The following ADAMTS10 variants were observed in gnomAD, a reference collection of about 807,000 sequenced individuals.
The protein encoded by ADAMTS10 is A disintegrin and metalloproteinase with thrombospondin motifs 10.
In ADAMTS10, 48 loss-of-function variants were observed where a neutral mutation model predicts 135.9. That is an observed-to-expected ratio of 0.35 (90% CI 0.28 to 0.45). ADAMTS10 has a LOEUF of 0.45. ADAMTS10 is among the 20% of genes least tolerant of loss of function. ADAMTS10 has a pLI of 1.00. For synonymous variants in ADAMTS10, 621 were observed against 647.5 expected (o/e 0.96, Z 0.62); for missense variants, 1,131 against 1,565.2 (o/e 0.72, Z 4.68).
intron 12 of ADAMTS10, among the ~76,000 whole-genome samples, chr19:8,593,889 AT>A (rs1555739688): frequency 6.6e-6 from 1 of 152,200 alleles, no homozygotes; most frequent in East Asian, 1.9e-4. Context: ...GTGGGACTGG[AT>A]CGATCAATGG....
chr19:8,589,271 C>A lies in ADAMTS10; in HGVS notation c.2129G>T (p.Gly710Val). The change falls in exon 18 of 26, where the codon GGC becomes GTC. Residue 710 changes from glycine to valine, a missense_variant. Physicochemically the swap from Gly to Val is moderately radical, Grantham distance 109 (BLOSUM62 -3). Transcript: ENST00000597188. ...CCCAGGTGAGGCTGGGCTGAAGACGCCCTCGATGGTCTCGCAGGCACTGCC... is the reference window on the plus strand; with the variant it reads ...CCCAGGTGAGGCTGGGCTGAAGACGACCTCGATGGTCTCGCAGGCACTGCC... The part of the protein sequence containing the change: ...GDGSACETIE[G>V]VFSPASPGAG... 1 of 1,612,568 alleles carries A rather than the reference C, an allele frequency of 6.2e-7. No homozygotes were observed. Among genetic ancestry groups the A allele is most frequent in the Non-Finnish European group, 8.5e-7 (1 of 1,179,948 alleles).
rs1487301523 is a variant in ADAMTS10, at chr19:8,596,484, A to G, written c.1084+58T>C. The G allele has an allele frequency of 1.2e-6, 2 of 1,612,612 alleles. No individual in the cohort carries two copies. Among genetic ancestry groups the G allele is most frequent in the Non-Finnish European group, 1.7e-6 (2 of 1,178,908 alleles). On this transcript the variant is annotated intron_variant, in intron 9 of 25. Coordinates refer to ENST00000597188, the MANE Select transcript of ADAMTS10 (RefSeq NM_030957.4). The surrounding 1 kb of genome is among the most constrained non-coding windows in gnomAD (Gnocchi z 7.2). Reference sequence around the variant, plus strand: ...TGCTGGCTGGCCCCATCCACCTGCCAGGTCTCACCCCAGCCCACTGCCTTC... The same window carrying G: ...TGCTGGCTGGCCCCATCCACCTGCCGGGTCTCACCCCAGCCCACTGCCTTC...
rs1293897035 is a variant in ADAMTS10, at chr19:8,580,821, C to A, written c.*72G>T. On this transcript the variant is annotated 3_prime_UTR_variant, in exon 26 of 26. Transcript: ENST00000597188. ...TCCCAGTTCCCGCCCCCCCGGGGCC[C>A]CCTCTGGCCGGCCCGCTGCAGGGCT... 10 of 1,299,914 alleles carry A rather than the reference C, an allele frequency of 7.7e-6. No homozygotes were observed. Among genetic ancestry groups the A allele is most frequent in the Non-Finnish European group, 6.4e-6 (6 of 931,364 alleles). The allele number at this position is 1,299,914 out of a possible 1,614,324, so 80.5% of individuals were successfully genotyped here.
At chr19:8,600,844 G>T in intron 6 of ADAMTS10, 84 bp downstream of exon 6, 1 of 1,534,816 alleles carries the variant, frequency 6.5e-7, no homozygotes, top group East Asian at 2.2e-5. Context: ...GATTGGGGTG[G>T]GATGGTAGCC....
chr19:8,587,199 C>T, intron 18 of ADAMTS10, among the ~76,000 whole-genome samples: 1 of 151,502 alleles, frequency 6.6e-6, no homozygotes, highest in East Asian at 1.9e-4. Context: ...CTCTGTTGCC[C>T]AGGCTGGAGT....
In ADAMTS10 at chr19:8,605,039, A is replaced by G. The variant is rs890373875; in HGVS notation, c.408T>C (p.His136=). The G allele has an allele frequency of 5.0e-6, 8 of 1,609,686 alleles. No homozygotes were observed. In the African/African-American group the frequency reaches 5.3e-5, roughly 11 times the overall value. The change falls in exon 4 of 26, where the codon CAT becomes CAC. Residue 136 remains histidine, a synonymous_variant. Coordinates refer to ENST00000597188, the MANE Select transcript of ADAMTS10 (RefSeq NM_030957.4). This position sits in a 1 kb window ranked among gnomAD's most constrained non-coding sequence, Gnocchi z 7.7. The part of the protein sequence containing the change: ...GHLQGQASSS[H]VAISTCGGLH... Reference sequence around the variant, plus strand: ...GGCCTCCACAGGTGCTGATGGCCACATGGGAGCTGCTGGCCTGGCCCTGCA... The same window carrying G: ...GGCCTCCACAGGTGCTGATGGCCACGTGGGAGCTGCTGGCCTGGCCCTGCA...
At chr19:8,593,836 T>G (rs1568400105) in intron 12 of ADAMTS10, among the ~76,000 whole-genome samples, 2 of 152,150 alleles carry the variant, frequency 1.3e-5, no homozygotes, top group Non-Finnish European at 2.9e-5. Context: ...AATTATCAAG[T>G]GTAATCCCCG....
chr19:8,582,665 TG>T (rs1298232694), intron 25 of ADAMTS10: 2 of 112,956 alleles, frequency 1.8e-5, no homozygotes, highest in African/African-American at 7.8e-5. Flanking sequence ...AAGCTACAGA[TG>T]GATTTTTTTT....
At chr19:8,589,709 G>A in intron 16 of ADAMTS10, 124 bp from the exon 17 acceptor site, 1 of 1,506,112 alleles carries the variant, frequency 6.6e-7, no homozygotes, top group Non-Finnish European at 9.0e-7. Flanking sequence ...CTTGGGCAGA[G>A]GGAGTGGGGG....
At chr19:8,588,964 G>C (rs1022586635) in intron 18 of ADAMTS10, among the ~76,000 whole-genome samples, 1 of 151,972 alleles carries the variant, frequency 6.6e-6, no homozygotes, top group Non-Finnish European at 1.5e-5. Context: ...GCTAATTTTT[G>C]TATTTTTAGT....
Position 8,600,430 on chromosome 19 carries a change from ACCTT to A in ADAMTS10, c.810+494_810+497del, listed in dbSNP as rs554320542. On this transcript the variant is annotated intron_variant, in intron 6 of 25. Transcript: ENST00000597188. ...CCATATGCAACCAACCTACCTACCT[ACCTT>A]CCTTCCTTCCTTCCTCTCTCTTTCT... Among the ~76,000 whole-genome samples the A allele has an allele frequency of 5.5e-3, 806 of 145,574 alleles. 9 individuals are homozygous for A. The highest frequency in any genetic ancestry group is 0.019 in the African/African-American group (736 of 39,376).
rs1555736443 is a variant in ADAMTS10, at chr19:8,584,971, C to G, written c.3126G>C (p.Thr1042=). The change falls in exon 25 of 26, where the codon ACG becomes ACC. Residue 1042 remains threonine (T), a synonymous_variant. Transcript: ENST00000597188. ...SHTGQASHEC[T]EALRPPTTQQ... is the part of the protein sequence containing the mutation. ...GCGTGGTGGGCGGCCGCAGGGCCTC[C>G]GTGCACTCGTGCGACGCCTGGCCCG... 1.3e-6 allele frequency: 2 copies of G among 1,546,386 alleles called. No homozygotes were observed. Among genetic ancestry groups the G allele is most frequent in the African/African-American group, 2.7e-5 (2 of 73,088 alleles).
intron 12 of ADAMTS10, among the ~76,000 whole-genome samples, chr19:8,594,775 A>T (rs2042582885): frequency 6.6e-6 from 1 of 152,184 alleles, no homozygotes; most frequent in African/African-American, 2.4e-5. Flanking sequence ...TAAATGTCAG[A>T]CACCATGATC....
intron 6 of ADAMTS10, among the ~76,000 whole-genome samples, chr19:8,597,593 C>T (rs533678293): frequency 6.6e-6 from 1 of 151,998 alleles, no homozygotes; most frequent in Admixed American, 6.6e-5. Context: ...CATGCCCAGC[C>T]ATGTATCAGT....
chr19:8,580,812 C>G lies in ADAMTS10; in HGVS notation c.*81G>C, dbSNP rs886054709. ...ACCCTTCCCTCCCAGTTCCCGCCCC[C>G]CCGGGGCCCCCTCTGGCCGGCCCGC... is the stretch of plus-strand genomic sequence containing the variant. On this transcript the variant is annotated 3_prime_UTR_variant, in exon 26 of 26. Coordinates refer to ENST00000597188, the MANE Select transcript of ADAMTS10 (RefSeq NM_030957.4). The G allele has an allele frequency of 5.9e-5, 70 of 1,188,058 alleles. No homozygotes were observed. Among genetic ancestry groups the G allele is most frequent in the Non-Finnish European group, 7.9e-5 (66 of 832,794 alleles). The allele number at this position is 1,188,058 out of a possible 1,614,324, so 73.6% of individuals were successfully genotyped here. A position where few individuals can be genotyped will look rare whatever the true frequency, so the allele number is the denominator to read the frequency against.
At chr19:8,598,027 T>A (rs1942042701) in intron 6 of ADAMTS10, among the ~76,000 whole-genome samples, 1 of 152,062 alleles carries the variant, frequency 6.6e-6, no homozygotes, top group Admixed American at 6.6e-5. Context: ...TTGGCCAGGC[T>A]GGTCTTGAAC....
Position 8,605,629 on chromosome 19 carries a change from A to T in ADAMTS10, c.82T>A (p.Ser28Thr). 3 of 1,613,208 alleles carry T rather than the reference A, an allele frequency of 1.9e-6. No homozygotes were observed. The highest frequency in any genetic ancestry group is 2.5e-6 in the Non-Finnish European group (3 of 1,179,870). ...LMFEVTHAFR[S>T]QDEFLSSLES... ...ACCACCAGACTTCCCCTACCTTGAGACCGGAAGGCGTGCGTGACCTCGAAC... is the reference window on the plus strand; with the variant it reads ...ACCACCAGACTTCCCCTACCTTGAGTCCGGAAGGCGTGCGTGACCTCGAAC... Residue 28 changes from serine (S) to threonine (T), a missense_variant, in exon 3 of 26, where the codon TCT (serine) becomes ACT (threonine). Physicochemically the swap from Ser to Thr is moderately conservative, Grantham distance 58 (BLOSUM62 1). This residue lies in a region of ADAMTS10 where 306 missense variants were observed against 344.4 expected (regional missense o/e 0.89). Transcript: ENST00000597188. The surrounding 1 kb of genome is among the most constrained non-coding windows in gnomAD (Gnocchi z 7.7).
chr19:8,595,952 A>G (rs1396937136), intron 11 of ADAMTS10, 49 bp from the exon 12 acceptor site: 2 of 1,613,964 alleles, frequency 1.2e-6, no homozygotes, highest in African/African-American at 2.7e-5. Context: ...GCAAATCAAG[A>G]GCTCAGGAGC....
chr19:8,599,519 C>T (rs906660492), intron 6 of ADAMTS10, among the ~76,000 whole-genome samples: 28 of 151,876 alleles, frequency 1.8e-4, no homozygotes, highest in South Asian at 6.2e-4. Context: ...TTAGTAGAGA[C>T]GGGGTTTCAC....
Sources: gnomAD v4.1 joint callset for allele counts (sites outside exome capture counted in the v4.1 genomes callset) on GRCh38, gnomAD v4.1.1 for gene constraint, gnomAD v4.1.1 regional missense constraint, Gnocchi (gnomAD v3.1) non-coding constraint, MANE v1.5 for transcripts, NCBI Gene and HGNC (gene_info 2026-07-23, HGNC 2026-07-21) for gene names.